The following MPP7 variants were observed in gnomAD, a reference collection of about 807,000 sequenced individuals.
The protein encoded by MPP7 is MAGUK p55 subfamily member 7.
A neutral mutation model predicts 76.5 loss-of-function variants in MPP7; 60 were observed. The ratio of observed to expected loss-of-function variants is 0.78; its 90% confidence interval spans 0.64 to 0.97. The LOEUF (loss-of-function observed/expected upper bound fraction) is 0.97. Among genes scored for constraint, MPP7 ranks in the 50% least tolerant of loss-of-function variants. The pLI is 0.00. For synonymous variants in MPP7, 237 were observed against 244.5 expected, an observed-to-expected ratio of 0.97 and a Z score of 0.29; for missense variants, 641 against 694.0, an observed-to-expected ratio of 0.92 and a Z score of 0.86.
chr10:28,175,357 G>A (rs147048726), intron 3 of MPP7, among the ~76,000 whole-genome samples: 97 of 152,118 alleles, frequency 6.4e-4, no homozygotes, highest in African/African-American at 2.2e-3. Context: ...AAAGTGAGCC[G>A]AGTGATTTAC....
intron 1 of MPP7, among the ~76,000 whole-genome samples, chr10:28,301,742 T>TA (rs1051303182): frequency 2.0e-5 from 3 of 152,172 alleles, no homozygotes; most frequent in East Asian, 3.8e-4. Flanking sequence ...ATATAATTGA[T>TA]AGAGTGCTAT....
intron 15 of MPP7, among the ~76,000 whole-genome samples, chr10:28,057,286 T>C (rs1259502093): frequency 6.6e-6 from 1 of 152,198 alleles, no homozygotes; most frequent in Non-Finnish European, 1.5e-5. Context: ...CCAAATCTCA[T>C]GTTGTAATGT....
rs563244495 is a variant in MPP7 at position 28,310,097 on chromosome 10, G to C, written c.-132+19832C>G. On this transcript the variant is annotated intron_variant, in intron 2 of 11. Coordinates refer to the MPP7 transcript ENST00000441595. ...GCTCACTGCAACCTCTGCCTCCTGGGTTCAAGCAATTCTCCTACCTCAGCC... is the reference window on the plus strand; with the variant it reads ...GCTCACTGCAACCTCTGCCTCCTGGCTTCAAGCAATTCTCCTACCTCAGCC... Among the ~76,000 whole-genome samples, 344 of 150,260 alleles carry C rather than the reference G, an allele frequency of 2.3e-3. 8 individuals carry two copies. The highest frequency in any genetic ancestry group is 1.1e-3 in the Non-Finnish European group (74 of 67,868).
intron 2 of MPP7, among the ~76,000 whole-genome samples, chr10:28,219,712 C>T (rs1279596382): frequency 1.3e-5 from 2 of 151,978 alleles, no homozygotes; most frequent in Non-Finnish European, 2.9e-5. Flanking sequence ...GGTCAGGCAT[C>T]GGACCAAAAC....
At chr10:28,318,972 CAT>C (rs1834343173) in intron 2 of MPP7, among the ~76,000 whole-genome samples, 1 of 152,132 alleles carries the variant, frequency 6.6e-6, no homozygotes, top group Non-Finnish European at 1.5e-5. Flanking sequence ...TTCCTTGAAA[CAT>C]ATTTGAATGT....
chr10:28,235,077 T>C (rs767644508), intron 2 of MPP7, among the ~76,000 whole-genome samples: 1 of 152,184 alleles, frequency 6.6e-6, no homozygotes, highest in Non-Finnish European at 1.5e-5. Context: ...CCCGAAGTGC[T>C]GGGATTAAGG....
intron 5 of MPP7, among the ~76,000 whole-genome samples, chr10:28,144,568 T>C (rs1374571019): frequency 6.6e-6 from 1 of 152,120 alleles, no homozygotes; most frequent in Non-Finnish European, 1.5e-5. Context: ...AAACTTAAAG[T>C]TTTCCTTTAT....
At chr10:28,317,173 T>C (rs1834332399) in intron 2 of MPP7, among the ~76,000 whole-genome samples, 1 of 152,156 alleles carries the variant, frequency 6.6e-6, no homozygotes, top group African/African-American at 2.4e-5. Context: ...TTATACACGC[T>C]AGAAAAGCTT....
intron 2 of MPP7, among the ~76,000 whole-genome samples, chr10:28,206,782 T>G (rs1837962400): frequency 6.6e-6 from 1 of 152,190 alleles, no homozygotes; most frequent in Non-Finnish European, 1.5e-5. Flanking sequence ...TCATTTGTCC[T>G]GTAACTGTAT....
chr10:28,118,694 G>A (rs2133599354), intron 11 of MPP7: 2 of 985,414 alleles, frequency 2.0e-6, no homozygotes, highest in Non-Finnish European at 2.4e-6. Flanking sequence ...GCAAGGACAA[G>A]CAGGCTTTTG....
chr10:28,123,910 A>G, intron 8 of MPP7, 121 bp downstream of exon 8: 1 of 662,930 alleles, frequency 1.5e-6, no homozygotes. Flanking sequence ...ACAGGGATTA[A>G]GTGTTCGAAC....
chr10:28,146,022 C>G (rs1413910868), intron 5 of MPP7, among the ~76,000 whole-genome samples: 1 of 152,080 alleles, frequency 6.6e-6, no homozygotes, highest in Non-Finnish European at 1.5e-5. Context: ...GCTTTCATTT[C>G]TAATACCCTT....
At chr10:28,308,243 A>G (rs1335893811) in intron 2 of MPP7, among the ~76,000 whole-genome samples, 1 of 152,212 alleles carries the variant, frequency 6.6e-6, no homozygotes, top group African/African-American at 2.4e-5. Flanking sequence ...GTAAAAGTGC[A>G]GCTGGCTGTG....
Position 28,272,966 on chromosome 10 carries a change from G to A in MPP7, c.-132+29895C>T, listed in dbSNP as rs1410555219. Among the ~76,000 whole-genome samples, 3 of 152,158 alleles carry A rather than the reference G, an allele frequency of 2.0e-5. No homozygotes were observed. In the East Asian group the frequency reaches 5.8e-4, roughly 29 times the overall value. ...GGAGTCTCACTTTGTCAGCCAGGCT[G>A]TAGTGTAGTGGCGCGATCTCAGCTC... On this transcript the variant is annotated intron_variant, in intron 1 of 16. Transcript: ENST00000683449.
At chr10:28,189,384 A>G (rs1245128191) in intron 3 of MPP7, among the ~76,000 whole-genome samples, 1 of 151,956 alleles carries the variant, frequency 6.6e-6, no homozygotes, top group African/African-American at 2.4e-5. Flanking sequence ...GCAACACAGC[A>G]AAACCCTGTC....
intron 1 of MPP7, among the ~76,000 whole-genome samples, chr10:28,287,842 G>A (rs547663314): frequency 2.0e-5 from 3 of 152,140 alleles, no homozygotes; most frequent in South Asian, 4.1e-4. Context: ...TGAAAGACAG[G>A]TCAATGGATT....
At chr10:28,320,865 C>T (rs1240066702) in intron 2 of MPP7, among the ~76,000 whole-genome samples, 2 of 149,856 alleles carry the variant, frequency 1.3e-5, no homozygotes, top group African/African-American at 2.5e-5. Flanking sequence ...TGGTTTGGAA[C>T]AAAAGGCAGC....
chr10:28,099,387 C>A (rs1052384114), intron 11 of MPP7, among the ~76,000 whole-genome samples: 1 of 152,106 alleles, frequency 6.6e-6, no homozygotes, highest in African/African-American at 2.4e-5. Context: ...GTATGCATTT[C>A]TAATGTTAAA....
At chr10:28,313,484 C>T (rs980430381) in intron 2 of MPP7, among the ~76,000 whole-genome samples, 2 of 150,934 alleles carry the variant, frequency 1.3e-5, no homozygotes, top group South Asian at 2.1e-4. Context: ...CCAGACTGGG[C>T]GACAGAGCAA....
Sources: allele counts gnomAD v4.1 joint callset (sites outside exome capture counted in the v4.1 genomes callset), GRCh38; gene constraint gnomAD v4.1.1; transcripts MANE v1.5; gene names NCBI Gene and HGNC (gene_info 2026-07-23, HGNC 2026-07-21).